Variants in TMEM26 observed in about 807,000 individuals in gnomAD.
The protein encoded by TMEM26 is transmembrane protein 26.
TMEM26 carries 38 observed loss-of-function variants against 28.8 expected under a neutral mutation model. The ratio of observed to expected loss-of-function variants is 1.32; its 90% CI spans 1.02 to 1.73. The LOEUF (loss-of-function observed/expected upper bound fraction) is 1.73. TMEM26 is among the 40% of genes most tolerant of loss of function. The pLI is 0.00. For missense variants in TMEM26, 518 were observed against 447.1 expected (o/e 1.16, Z -1.43); for synonymous variants, 227 against 182.9 (o/e 1.24, Z -1.95).
chr10:61,446,409 T>G (rs1440964413), intron 1 of TMEM26, among the ~76,000 whole-genome samples: 2 of 152,080 alleles, frequency 1.3e-5, no homozygotes, highest in African/African-American at 2.4e-5. Context: ...CAAACCTTGG[T>G]TTCAGATATC....
intron 1 of TMEM26, among the ~76,000 whole-genome samples, chr10:61,437,675 T>C (rs1840030502): frequency 6.6e-6 from 1 of 151,966 alleles, no homozygotes; most frequent in Non-Finnish European, 1.5e-5. Context: ...ATCCCACCTA[T>C]TCAGGTGGCT....
chr10:61,412,980 G>A (rs1180406453), intron 5 of TMEM26: 1 of 1,275,012 alleles, frequency 7.8e-7, no homozygotes, highest in Non-Finnish European at 1.0e-6. Flanking sequence ...TATGTCTTCT[G>A]AAGTTCTAAT....
chr10:61,428,801 C>T, intron 4 of TMEM26, 125 bp downstream of exon 4: 1 of 797,444 alleles, frequency 1.3e-6, no homozygotes, highest in Admixed American at 2.6e-5. Context: ...ATTCTCTGAT[C>T]CTAACGTTGC....
At chr10:61,431,830 AG>A (rs1464059460) in intron 2 of TMEM26, among the ~76,000 whole-genome samples, 3 of 152,026 alleles carry the variant, frequency 2.0e-5, no homozygotes, top group Non-Finnish European at 4.4e-5. Context: ...TCCATCACCC[AG>A]GTAGTGAGCA....
At chr10:61,414,580 A>G (rs1839619788) in intron 4 of TMEM26, 1 of 152,082 alleles carries the variant, frequency 6.6e-6, no homozygotes, top group African/African-American at 2.4e-5. Context: ...TTAATGGTGG[A>G]GACAAGGTTG....
intron 4 of TMEM26, among the ~76,000 whole-genome samples, chr10:61,424,384 A>G (rs567071039): frequency 6.6e-6 from 1 of 152,312 alleles, no homozygotes; most frequent in South Asian, 2.1e-4. Context: ...GAAAATTACA[A>G]AACATTGCTG....
chr10:61,432,909 G>A (rs1251751046), intron 2 of TMEM26, among the ~76,000 whole-genome samples: 4 of 152,052 alleles, frequency 2.6e-5, no homozygotes, highest in Non-Finnish European at 4.4e-5. Flanking sequence ...GTGCAGCTAA[G>A]CCTCCAAGAA....
rs574511443 is a variant in TMEM26, at chr10:61,445,969, A to AT, written c.191+6921dup. ...TGACTTATAGGAGCTGCCCATGCTAATTTGTACTTTGTTTTTCTCCAGTCA... is the reference window on the plus strand; with the variant it reads ...TGACTTATAGGAGCTGCCCATGCTAATTTTGTACTTTGTTTTTCTCCAGTCA... On this transcript the variant is annotated intron_variant, in intron 1 of 5. Coordinates refer to ENST00000399298, the MANE Select transcript of TMEM26 (RefSeq NM_178505.8). Among the ~76,000 whole-genome samples, 16 of 152,244 alleles carry AT rather than the reference A, an allele frequency of 1.1e-4. No individual in the cohort carries two copies. In the East Asian group the frequency reaches 2.3e-3, roughly 22 times the overall value.
intron 1 of TMEM26, among the ~76,000 whole-genome samples, chr10:61,442,135 G>A (rs1024470562): frequency 6.6e-6 from 1 of 151,946 alleles, no homozygotes; most frequent in African/African-American, 2.4e-5. Flanking sequence ...CATTGCTTTT[G>A]TCAGTTCATT....
In TMEM26 at chr10:61,423,837, T is replaced by G. The variant is rs538505948; in HGVS notation, c.605+5089A>C. ...TAATTAGTGTAATCTATTGTTTTAA[T>G]AGGATAAAAGACAACCAACAAGTAA... On this transcript the variant is annotated intron_variant, in intron 4 of 5. Transcript: ENST00000399298. 1.1e-4 allele frequency among the ~76,000 whole-genome samples: 17 copies of G among 152,254 alleles called. No homozygotes were observed. The South Asian group carries it at 3.1e-3, about 28-fold the overall frequency.
chr10:61,444,565 A>G (rs1451806659), intron 1 of TMEM26, among the ~76,000 whole-genome samples: 1 of 150,646 alleles, frequency 6.6e-6, no homozygotes, highest in Non-Finnish European at 1.5e-5. Flanking sequence ...ACACTCTTGT[A>G]TGTAGTGTGG....
chr10:61,436,864 C>T (rs1048757256), intron 1 of TMEM26, among the ~76,000 whole-genome samples: 3 of 152,078 alleles, frequency 2.0e-5, no homozygotes, highest in African/African-American at 7.2e-5. Context: ...TTTTCTCATT[C>T]AAAATTCAGA....
At chr10:61,431,882 G>A (rs767360605) in intron 2 of TMEM26, among the ~76,000 whole-genome samples, 9 of 151,808 alleles carry the variant, frequency 5.9e-5, no homozygotes, top group Non-Finnish European at 1.3e-4. Context: ...ACTTCCCTCC[G>A]TCCCTCCCCT....
intron 4 of TMEM26, among the ~76,000 whole-genome samples, chr10:61,426,257 G>T (rs1450093664): frequency 1.3e-5 from 2 of 152,048 alleles, no homozygotes; most frequent in Non-Finnish European, 2.9e-5. Context: ...GATATCAGTG[G>T]TTGCCTGTTA....
At chr10:61,428,308 G>T (rs1235760909) in intron 4 of TMEM26, among the ~76,000 whole-genome samples, 2 of 151,990 alleles carry the variant, frequency 1.3e-5, no homozygotes, top group African/African-American at 4.8e-5. Context: ...ATTTGCTTGT[G>T]GCAAAAATAA....
In TMEM26 at chr10:61,413,544, C is replaced by G; in HGVS notation, c.606-9G>C. Reference sequence around the variant, plus strand: ...CTAGTGCAGGACTATTCCTAGAATACAGACAAAATGTTAAATTTGTAATAA... The same window carrying G: ...CTAGTGCAGGACTATTCCTAGAATAGAGACAAAATGTTAAATTTGTAATAA... On this transcript the variant is annotated splice_polypyrimidine_tract_variant and intron_variant, in intron 4 of 5. Coordinates refer to ENST00000399298, the MANE Select transcript of TMEM26 (RefSeq NM_178505.8). The G allele has an allele frequency of 4.4e-6, 7 of 1,586,878 alleles. No individual in the cohort carries two copies. Among genetic ancestry groups the G allele is most frequent in the South Asian group, 2.3e-5 (2 of 85,118 alleles).
At chr10:61,436,034 G>A in intron 2 of TMEM26, 136 bp downstream of exon 2, 1 of 434,656 alleles carries the variant, frequency 2.3e-6, no homozygotes, top group Non-Finnish European at 4.0e-6. Flanking sequence ...ACTTCCTTTT[G>A]CTGATAGCCT....
At chr10:61,446,797 G>A (rs1486474585) in intron 1 of TMEM26, among the ~76,000 whole-genome samples, 2 of 109,356 alleles carry the variant, frequency 1.8e-5, no homozygotes, top group African/African-American at 3.7e-5. Flanking sequence ...CCAGCCTGGC[G>A]ACAGAGCGAG....
chr10:61,415,896 TAGA>T (rs1839643879), intron 4 of TMEM26, among the ~76,000 whole-genome samples: 1 of 152,034 alleles, frequency 6.6e-6, no homozygotes, highest in Admixed American at 6.6e-5. Flanking sequence ...GATAATTCCT[TAGA>T]AGTTTTATTT....
Sources: gnomAD v4.1 joint callset for allele counts (sites outside exome capture counted in the v4.1 genomes callset) on GRCh38, gnomAD v4.1.1 for gene constraint, MANE v1.5 for transcripts, NCBI Gene and HGNC (gene_info 2026-07-23, HGNC 2026-07-21) for gene names.